The following GNRH2 variants were observed in gnomAD, a reference collection of about 807,000 sequenced individuals.
GNRH2 encodes the protein progonadoliberin-2.
A neutral mutation model predicts 12.1 loss-of-function variants in GNRH2; 15 were observed. The ratio of observed to expected loss-of-function variants is 1.24; its 90% confidence interval spans 0.83 to 1.90. The LOEUF is 1.90. Among genes scored for constraint, GNRH2 ranks in the 40% most tolerant of loss-of-function variants. The probability of loss-of-function intolerance (pLI) is 0.00; values close to 1 mark genes in which losing one functional copy is unlikely to be tolerated. For missense variants in GNRH2, 143 were observed against 141.4 expected, an observed-to-expected ratio of 1.01 and a Z score of -0.06; for synonymous variants, 60 against 62.0, an observed-to-expected ratio of 0.97 and a Z score of 0.15.
intron 3 of GNRH2, 130 bp from the exon 4 acceptor site, chr20:3,045,556 G>A (rs2065979995): frequency 1.4e-6 from 1 of 727,710 alleles, no homozygotes; most frequent in African/African-American, 1.7e-5. Context: ...TACGGGAGGC[G>A]GGGGGCGTCC....
At chr20:3,044,111 A>T (rs774017871) in intron 1 of GNRH2, 8 of 368,194 alleles carry the variant, frequency 2.2e-5, no homozygotes, top group Middle Eastern at 7.7e-4. Context: ...TCCTTGAAGG[A>T]AAGATGGATG....
chr20:3,044,586 T>C lies in GNRH2; in HGVS notation c.154+18T>C. 6.2e-7 allele frequency: 1 copy of C among 1,612,178 alleles called. No homozygotes were observed. ...GCCCCCAGGTGGGTGTCTCCCAGCC[T>C]CATGGGGAGGAAGAAAGTGATGGCC... On this transcript the variant is annotated intron_variant, in intron 2 of 3. Transcript: ENST00000359100.
In GNRH2 at chr20:3,044,769, C is replaced by A. The variant is rs1216347340; in HGVS notation, c.224C>A (p.Pro75His). Residue 75 changes from proline (P) to histidine (H), a missense_variant, in exon 3 of 4, where the codon CCC becomes CAC. By Grantham distance (77) the Pro-to-His change is moderately conservative (BLOSUM62 -2). Transcript: ENST00000359100. Reference sequence around the variant, plus strand: ...CTGGCTCCCCTGGACGACAGCATGCCCTGGGAGGGCAGGACCACGGCCCAG... The same window carrying A: ...CTGGCTCCCCTGGACGACAGCATGCACTGGGAGGGCAGGACCACGGCCCAG... ...DALAPLDDSM[P>H]WEGRTTAQWS... 1 of 1,612,692 alleles carries A rather than the reference C, an allele frequency of 6.2e-7. No individual in the cohort carries two copies. Among genetic ancestry groups the A allele is most frequent in the African/African-American group, 1.3e-5 (1 of 74,930 alleles).
rs1230991170 is a variant in GNRH2 at position 3,044,458 on chromosome 20, C to G, written c.44C>G (p.Thr15Ser). 7.4e-6 allele frequency: 12 copies of G among 1,613,302 alleles called. No homozygotes were observed. The highest frequency in any genetic ancestry group is 9.3e-6 in the Non-Finnish European group (11 of 1,179,576). ...RRGLLLLLLL[T>S]AHLGPSEAQH... ...GGCCTCCTGCTCCTGCTGCTGCTGA[C>G]TGCCCACCTTGGACCCTCAGAGGCT... Residue 15 changes from threonine (T) to serine (S), a missense_variant, in exon 2 of 4, where the codon ACT becomes AGT. By Grantham distance (58) the Thr-to-Ser change is moderately conservative. Transcript: ENST00000359100.
chr20:3,044,128 G>C (rs1382827401), intron 1 of GNRH2: 3 of 438,696 alleles, frequency 6.8e-6, no homozygotes, highest in Non-Finnish European at 8.3e-6. Flanking sequence ...GATGGACCTG[G>C]ACAAGTGGGA....
Position 3,044,759 on chromosome 20 carries a change from G to T in GNRH2, c.214G>T (p.Asp72Tyr), listed in dbSNP as rs202126802. The change falls in exon 3 of 4, where the codon GAC becomes TAC. Residue 72 changes from aspartate (D) to tyrosine (Y), a missense_variant. Asp to Tyr is a radical substitution (Grantham distance 160). Coordinates refer to ENST00000359100, the MANE Select transcript of GNRH2 (RefSeq NM_178331.2). Reference protein sequence around the residue: ...LPSDALAPLDDSMPWEGRTTA... With the variant: ...LPSDALAPLDYSMPWEGRTTA... Reference sequence around the variant, plus strand: ...AAGTGATGCCCTGGCTCCCCTGGACGACAGCATGCCCTGGGAGGGCAGGAC... The same window carrying T: ...AAGTGATGCCCTGGCTCCCCTGGACTACAGCATGCCCTGGGAGGGCAGGAC... The T allele has an allele frequency of 2.1e-4, 343 of 1,611,848 alleles. 1 individual carries two copies. Among genetic ancestry groups the T allele is most frequent in the Non-Finnish European group, 2.9e-4 (336 of 1,178,792 alleles).
chr20:3,045,677 C>G lies in GNRH2; in HGVS notation c.292-9C>G. ...TCCTGAGACATGACCGCCACCTCTC[C>G]CTCCGCAGACCGCAGCCCGAGAGCC... On this transcript the variant is annotated splice_polypyrimidine_tract_variant and intron_variant, in intron 3 of 3. Coordinates refer to ENST00000359100, the MANE Select transcript of GNRH2 (RefSeq NM_178331.2). 1 of 1,609,636 alleles carries G rather than the reference C, an allele frequency of 6.2e-7. No homozygotes were observed. The highest frequency in any genetic ancestry group is 1.1e-5 in the South Asian group (1 of 90,870).
rs746971111 is a variant in GNRH2, at chr20:3,044,767, G to A, written c.222G>A (p.Met74Ile). 6 of 1,612,642 alleles carry A rather than the reference G, an allele frequency of 3.7e-6. No individual in the cohort carries two copies. The highest frequency in any genetic ancestry group is 5.1e-6 in the Non-Finnish European group (6 of 1,179,474). The change falls in exon 3 of 4, where the codon ATG becomes ATA. Residue 74 changes from methionine to isoleucine, a missense_variant. Coordinates refer to ENST00000359100, the MANE Select transcript of GNRH2 (RefSeq NM_178331.2). Reference sequence around the variant, plus strand: ...CCCTGGCTCCCCTGGACGACAGCATGCCCTGGGAGGGCAGGACCACGGCCC... The same window carrying A: ...CCCTGGCTCCCCTGGACGACAGCATACCCTGGGAGGGCAGGACCACGGCCC... ...SDALAPLDDS[M>I]PWEGRTTAQW...
chr20:3,044,936 C>A, intron 3 of GNRH2, 100 bp downstream of exon 3: 1 of 942,300 alleles, frequency 1.1e-6, no homozygotes, highest in Non-Finnish European at 1.6e-6. Context: ...GAGAATGAAA[C>A]ACCACTGAGA....
Position 3,045,688 on chromosome 20 carries a change from C to G in GNRH2, c.294C>G (p.Thr98=). 3.1e-6 allele frequency: 5 copies of G among 1,610,050 alleles called. No homozygotes were observed. Among genetic ancestry groups the G allele is most frequent in the Non-Finnish European group, 4.2e-6 (5 of 1,177,734 alleles). Residue 98 remains threonine (T), a splice_region_variant and synonymous_variant, in exon 4 of 4, where the codon ACC becomes ACG. Transcript: ENST00000359100. ...GACCGCCACCTCTCCCTCCGCAGACCGCAGCCCGAGAGCCCCGCCCCGCCC... is the reference window on the plus strand; with the variant it reads ...GACCGCCACCTCTCCCTCCGCAGACGGCAGCCCGAGAGCCCCGCCCCGCCC... ...RKRHLARTLL[T]AAREPRPAPP...
chr20:3,044,712 T>G lies in GNRH2; in HGVS notation c.167T>G (p.Val56Gly). ...NALRPPAGSP[V>G]QTAHGLPSDA... ...CTGGACACTGCAGCAGGCAGCCCAG[T>G]CCAGACTGCCCATGGCCTCCCAAGT... The change falls in exon 3 of 4, where the codon GTC (valine) becomes GGC (glycine). Residue 56 changes from valine to glycine, a missense_variant. Physicochemically the swap from Val to Gly is moderately radical, Grantham distance 109. Transcript: ENST00000359100. The G allele has an allele frequency of 6.2e-7, 1 of 1,610,804 alleles. No individual in the cohort carries two copies. The highest frequency in any genetic ancestry group is 1.3e-5 in the African/African-American group (1 of 74,986).
At chr20:3,045,164 G>A (rs2065975674) in intron 3 of GNRH2, among the ~76,000 whole-genome samples, 1 of 152,164 alleles carries the variant, frequency 6.6e-6, no homozygotes, top group South Asian at 2.1e-4. Context: ...GCCAATGACT[G>A]TCTTGAGGTG....
chr20:3,044,826 G>A lies in GNRH2; in HGVS notation c.281G>A (p.Arg94Gln), dbSNP rs143210713. The A allele has an allele frequency of 1.7e-4, 276 of 1,608,370 alleles. No individual in the cohort carries two copies. The highest frequency in any genetic ancestry group is 2.1e-4 in the Non-Finnish European group (248 of 1,176,576). The part of the protein sequence containing the change: ...WSLHRKRHLA[R>Q]TLLTAAREPR... ...CTTCACAGGAAGCGACACCTGGCAC[G>A]GACACTGCTGGTGAGTAGGGTGAGA... Residue 94 changes from arginine to glutamine, a missense_variant, in exon 3 of 4, where the codon CGG becomes CAG. Arg to Gln is a conservative substitution (Grantham distance 43, BLOSUM62 1). Coordinates refer to ENST00000359100, the MANE Select transcript of GNRH2 (RefSeq NM_178331.2).
At position 3,044,851 on chromosome 20, in the gene GNRH2, A is replaced by C; in HGVS notation, c.291+15A>C. ...GGACACTGCTGGTGAGTAGGGTGAG[A>C]GGTCCCCAGCATCAAGACCAGCCAC... On this transcript the variant is annotated intron_variant, in intron 3 of 3. Transcript: ENST00000359100. 1 of 1,590,424 alleles carries C rather than the reference A, an allele frequency of 6.3e-7. No homozygotes were observed. The highest frequency in any genetic ancestry group is 8.6e-7 in the Non-Finnish European group (1 of 1,162,384).
At chr20:3,045,596 G>A in intron 3 of GNRH2, 90 bp from the exon 4 acceptor site, 4 of 1,111,992 alleles carry the variant, frequency 3.6e-6, no homozygotes, top group Admixed American at 3.5e-5. Flanking sequence ...GGGACTGGGG[G>A]GGACGAGAGG....
At chr20:3,045,440 T>G (rs1164114242) in intron 3 of GNRH2, among the ~76,000 whole-genome samples, 1 of 152,124 alleles carries the variant, frequency 6.6e-6, no homozygotes, top group African/African-American at 2.4e-5. Context: ...CCGCCTGATT[T>G]GTGTGTATGT....
chr20:3,044,355 G>A (rs6084241), intron 1 of GNRH2, 53 bp from the exon 2 acceptor site: 1 of 1,484,274 alleles, frequency 6.7e-7, no homozygotes, highest in South Asian at 1.1e-5. Context: ...GGAGGAAGTA[G>A]GGGGATGTGG....
intron 1 of GNRH2, 41 bp from the exon 2 acceptor site, chr20:3,044,367 G>A (rs766540243): frequency 7.7e-6 from 12 of 1,562,124 alleles, no homozygotes; most frequent in Middle Eastern, 1.7e-4. Context: ...GGGATGTGGG[G>A]GTGAGGTAAG....
intron 1 of GNRH2, 184 bp from the exon 2 acceptor site, chr20:3,044,224 G>GGCCAGGATCC: frequency 1.7e-6 from 1 of 574,852 alleles, no homozygotes; most frequent in South Asian, 2.3e-5. Context: ...TCCCCTGCTG[G>GGCCAGGATCC]GCCAGGATCC....
Sources: gnomAD v4.1 joint callset for allele counts (sites outside exome capture counted in the v4.1 genomes callset) on GRCh38, gnomAD v4.1.1 for gene constraint, MANE v1.5 for transcripts, NCBI Gene and HGNC (gene_info 2026-07-23, HGNC 2026-07-21) for gene names.